ANG: variants seen among roughly 807,000 people sequenced by gnomAD.
The protein encoded by ANG is Homo sapiens epididymis luminal protein 168.
For synonymous variants in ANG, 74 were observed against 73.8 expected (o/e 1.00, Z -0.02); for missense variants, 178 against 187.4 (o/e 0.95, Z 0.29).
Position 20,693,093 on chromosome 14 carries a change from C to T in ANG, c.-18-454C>T, listed in dbSNP as rs1037799359. Among the ~76,000 whole-genome samples, 8 of 152,018 alleles carry T rather than the reference C, an allele frequency of 5.3e-5. No homozygotes were observed. In the South Asian group the frequency reaches 1.7e-3, roughly 32 times the overall value. ...CGATCTCCTGACCTCGTGATCCGCC[C>T]GCCTTGGCCTCCCAAAGTGCTGGGA... On this transcript the variant is annotated intron_variant, in intron 1 of 1. Transcript: ENST00000397990.
At chr14:20,686,336 G>C (rs11851044), upstream of ANG, among the ~76,000 whole-genome samples, 16,703 of 152,202 alleles carry the variant, frequency 0.11, 933 homozygotes, top group Middle Eastern at 0.13. Context: ...AGCTATTGTT[G>C]AAAACAGATA....
upstream of ANG, chr14:20,688,656 G>A (rs1324412426): frequency 5.1e-6 from 5 of 983,876 alleles, no homozygotes; most frequent in Non-Finnish European, 6.0e-6. Context: ...CATGCCCAGC[G>A]AAAAGGTGAA....
At chr14:20,693,395 A>T in intron 1 of ANG, 152 bp from the exon 2 acceptor site, 1 of 964,260 alleles carries the variant, frequency 1.0e-6, no homozygotes, top group Non-Finnish European at 1.6e-6. Flanking sequence ...ACGAAGTGTG[A>T]GGTTAATGAG....
At chr14:20,693,435 G>A in intron 1 of ANG, 112 bp from the exon 2 acceptor site, 1 of 1,401,326 alleles carries the variant, frequency 7.1e-7, no homozygotes, top group Non-Finnish European at 9.9e-7. Flanking sequence ...AAATTTGGTG[G>A]TGGAAAAGAT....
chr14:20,687,038 A>T (rs1055233287), upstream of ANG, among the ~76,000 whole-genome samples: 1 of 152,206 alleles, frequency 6.6e-6, no homozygotes, highest in Non-Finnish European at 1.5e-5. Context: ...TTTCAAGTTA[A>T]AGCTGTCTGA....
chr14:20,684,275 G>A (rs1338492006), upstream of ANG: 1 of 152,276 alleles, frequency 6.6e-6, no homozygotes, highest in Non-Finnish European at 1.5e-5. Context: ...GCTCAGCCAG[G>A]GGTAGTCTCT....
At chr14:20,685,016 G>A (rs1424180378), upstream of ANG, among the ~76,000 whole-genome samples, 2 of 152,176 alleles carry the variant, frequency 1.3e-5, no homozygotes, top group Admixed American at 6.5e-5. Context: ...GGCTTGGAGG[G>A]GGACCACAGA....
chr14:20,685,546 C>A (rs953475979), upstream of ANG, among the ~76,000 whole-genome samples: 1 of 152,186 alleles, frequency 6.6e-6, no homozygotes, highest in African/African-American at 2.4e-5. Flanking sequence ...CTTACTTAAC[C>A]ACAGAGCCAC....
upstream of ANG, chr14:20,684,540 A>C (rs45525731): frequency 0.025 from 3,860 of 152,380 alleles, 66 homozygotes; most frequent in South Asian, 0.042. Context: ...AGAGGCTGGC[A>C]CGCCGACCCT....
chr14:20,688,276 G>A (rs542112339), upstream of ANG, among the ~76,000 whole-genome samples: 3 of 152,200 alleles, frequency 2.0e-5, no homozygotes, highest in East Asian at 5.8e-4. Flanking sequence ...TGCTTTCCTG[G>A]CTGTATGAAA....
At chr14:20,688,403 C>T (rs531804374), upstream of ANG, among the ~76,000 whole-genome samples, 56 of 152,254 alleles carry the variant, frequency 3.7e-4, 1 homozygote, top group Middle Eastern at 3.4e-3. Context: ...ACTGGAAGAC[C>T]ATATCTTACT....
At chr14:20,689,426 T>C (rs1886590694) in intron 1 of ANG, among the ~76,000 whole-genome samples, 1 of 152,194 alleles carries the variant, frequency 6.6e-6, no homozygotes, top group Non-Finnish European at 1.5e-5. Flanking sequence ...GATTTTGCCC[T>C]AGGATGTATA....
At chr14:20,686,035 G>A (rs886942175), upstream of ANG, among the ~76,000 whole-genome samples, 5 of 105,246 alleles carry the variant, frequency 4.8e-5, no homozygotes, top group East Asian at 5.6e-4. Flanking sequence ...GCAAGACTCC[G>A]TCTTAAAAAA....
intron 1 of ANG, among the ~76,000 whole-genome samples, chr14:20,693,136 C>T (rs571691877): frequency 3.9e-5 from 6 of 152,318 alleles, no homozygotes; most frequent in East Asian, 1.9e-4. Context: ...CGTGAGCCAC[C>T]GCGCCCGGCC....
intron 1 of ANG, among the ~76,000 whole-genome samples, chr14:20,692,435 G>T (rs1346235288): frequency 1.3e-5 from 2 of 152,220 alleles, no homozygotes; most frequent in African/African-American, 2.4e-5. Flanking sequence ...CCTTCCCTGG[G>T]CTCAGGGTTC....
In ANG at chr14:20,693,900, C is replaced by A; in HGVS notation, c.336C>A (p.Pro112=). The change falls in exon 2 of 2, where the codon CCC becomes CCA. Residue 112 remains proline, a synonymous_variant. Transcript: ENST00000397990. ...VTTCKLHGGS[P]WPPCQYRATA... is the part of the protein sequence containing the mutation. ...CTTGCAAGCTACATGGAGGTTCCCC[C>A]TGGCCTCCATGCCAGTACCGAGCCA... 1 of 1,614,176 alleles carries A rather than the reference C, an allele frequency of 6.2e-7. No homozygotes were observed. The highest frequency in any genetic ancestry group is 8.5e-7 in the Non-Finnish European group (1 of 1,180,018).
upstream of ANG, among the ~76,000 whole-genome samples, chr14:20,685,971 C>T (rs1202418839): frequency 1.3e-5 from 2 of 149,080 alleles, no homozygotes; most frequent in Admixed American, 6.8e-5. Flanking sequence ...ACCTGGGAGG[C>T]GGAGGTTACA....
intron 1 of ANG, among the ~76,000 whole-genome samples, chr14:20,692,187 A>G (rs1594207602): frequency 6.6e-6 from 1 of 152,258 alleles, no homozygotes; most frequent in African/African-American, 2.4e-5. Context: ...ATGCAATACA[A>G]TTTGAAGATC....
Sources: gnomAD v4.1 joint callset for allele counts (sites outside exome capture counted in the v4.1 genomes callset) on GRCh38, gnomAD v4.1.1 for gene constraint, MANE v1.5 for transcripts, NCBI Gene and HGNC (gene_info 2026-07-23, HGNC 2026-07-21) for gene names.